The following MBOAT2 variants were observed in gnomAD, a reference collection of about 807,000 sequenced individuals.
MBOAT2 encodes the protein membrane-bound glycerophospholipid O-acyltransferase 2.
Under a neutral mutation model 63.4 loss-of-function variants are expected in MBOAT2, and 28 were observed. The ratio of observed to expected loss-of-function variants is 0.44; its 90% CI spans 0.33 to 0.61. The LOEUF is 0.61. Among genes scored for constraint, MBOAT2 ranks in the 20% least tolerant of loss-of-function variants. The probability of loss-of-function intolerance (pLI) is 0.03; values close to 1 mark genes in which losing one functional copy is unlikely to be tolerated. For synonymous variants in MBOAT2, 211 were observed against 215.6 expected, an observed-to-expected ratio of 0.98 and a Z score of 0.19; for missense variants, 470 against 605.8, an observed-to-expected ratio of 0.78 and a Z score of 2.35.
chr2:8,881,102 C>T (rs1002532567), intron 6 of MBOAT2, among the ~76,000 whole-genome samples: 5 of 152,074 alleles, frequency 3.3e-5, no homozygotes, highest in African/African-American at 7.2e-5. Flanking sequence ...GAGTAACTGA[C>T]GCAGCTAAAT....
In MBOAT2 at chr2:8,862,367, G is replaced by T; in HGVS notation, c.1185+223C>A. 1 of 1,443,860 alleles carries T rather than the reference G, an allele frequency of 6.9e-7. No individual in the cohort carries two copies. The highest frequency in any genetic ancestry group is 9.2e-7 in the Non-Finnish European group (1 of 1,084,668). The allele number at this position is 1,443,860 out of a possible 1,614,324, so 89.4% of individuals were successfully genotyped here. ...TTTTGTGAGTGCCTCCTACCTGCCG[G>T]GCACATAGAAACGTGTTTTCTCCTC... On this transcript the variant is annotated intron_variant, in intron 11 of 12. Transcript: ENST00000305997. The surrounding 1 kb of genome is among the most constrained non-coding windows in gnomAD (Gnocchi z 4.3).
At chr2:8,944,076 G>A (rs1447221252) in intron 2 of MBOAT2, among the ~76,000 whole-genome samples, 3 of 152,046 alleles carry the variant, frequency 2.0e-5, no homozygotes, top group Non-Finnish European at 4.4e-5. Flanking sequence ...TGTTGGCCAG[G>A]CTGGTCTTGA....
chr2:8,983,393 A>C (rs73157453), intron 1 of MBOAT2, among the ~76,000 whole-genome samples: 4,017 of 152,280 alleles, frequency 0.026, 145 homozygotes, highest in African/African-American at 0.084. Flanking sequence ...ACTGTTAACG[A>C]AACACTTTGG....
chr2:8,924,866 T>C (rs1442055296), intron 3 of MBOAT2, among the ~76,000 whole-genome samples: 1 of 152,206 alleles, frequency 6.6e-6, no homozygotes, highest in Non-Finnish European at 1.5e-5. Flanking sequence ...GATTATTTTA[T>C]CTTTCAAAAT....
chr2:8,932,781 T>C (rs1442747445), intron 3 of MBOAT2, among the ~76,000 whole-genome samples: 3 of 149,372 alleles, frequency 2.0e-5, no homozygotes, highest in African/African-American at 7.3e-5. Context: ...CTCAGCAAAG[T>C]GGCACATAGA....
chr2:8,963,380 T>C (rs1282331971), intron 1 of MBOAT2, among the ~76,000 whole-genome samples: 1 of 152,204 alleles, frequency 6.6e-6, no homozygotes, highest in Non-Finnish European at 1.5e-5. Flanking sequence ...CTCAGCTCAC[T>C]GTAACCTCTG....
At chr2:8,985,084 G>A (rs1427969422) in intron 1 of MBOAT2, among the ~76,000 whole-genome samples, 2 of 148,310 alleles carry the variant, frequency 1.3e-5, no homozygotes, top group Admixed American at 6.7e-5. Context: ...TTCCTCAGGG[G>A]AAAAAAAAAA....
At chr2:8,951,281 T>C (rs1233036700) in intron 2 of MBOAT2, among the ~76,000 whole-genome samples, 1 of 151,782 alleles carries the variant, frequency 6.6e-6, no homozygotes, top group East Asian at 1.9e-4. Flanking sequence ...CTGGGCTCAC[T>C]GCAATCTCTG....
rs191399808 is a variant in MBOAT2, at chr2:9,000,413, T to G, written c.75+3127A>C. Among the ~76,000 whole-genome samples the G allele has an allele frequency of 1.4e-3, 207 of 152,362 alleles. No homozygotes were observed. The Middle Eastern group carries it at 0.014, about 10-fold the overall frequency. On this transcript the variant is annotated intron_variant, in intron 1 of 12. Transcript: ENST00000305997. ...ATCCAATTTTACAAAATTGAGTTTT[T>G]AGTTATTCCAACAGCTTCATCAACA...
At chr2:8,977,861 C>T (rs1436066429) in intron 1 of MBOAT2, among the ~76,000 whole-genome samples, 3 of 152,138 alleles carry the variant, frequency 2.0e-5, no homozygotes, top group Non-Finnish European at 4.4e-5. Flanking sequence ...CAATCAACCT[C>T]TGACTGCTCA....
At chr2:8,869,228 G>A (rs1033738567) in intron 8 of MBOAT2, among the ~76,000 whole-genome samples, 1 of 50,334 alleles carries the variant, frequency 2.0e-5, no homozygotes, top group South Asian at 5.3e-4. Context: ...TTTTTTTTTT[G>A]TAGAGATGGG....
At chr2:8,948,782 G>A (rs962339404) in intron 2 of MBOAT2, among the ~76,000 whole-genome samples, 12 of 152,144 alleles carry the variant, frequency 7.9e-5, no homozygotes, top group African/African-American at 2.7e-4. Context: ...TTGCTATTGT[G>A]AACAGTGCTG....
chr2:8,970,354 G>A (rs1459445525), intron 1 of MBOAT2, among the ~76,000 whole-genome samples: 2 of 152,172 alleles, frequency 1.3e-5, no homozygotes, highest in African/African-American at 4.8e-5. Context: ...CAGAATCTCT[G>A]GGACACATTC....
At position 8,853,764 on chromosome 2, in the gene MBOAT2, T is replaced by C. The variant is rs1445710985; in HGVS notation, c.*4915A>G. 1 of 152,230 alleles carries C rather than the reference T, an allele frequency of 6.6e-6. No homozygotes were observed. Among genetic ancestry groups the C allele is most frequent in the Non-Finnish European group, 1.5e-5 (1 of 68,032 alleles). The allele number at this position is 152,230 out of a possible 1,614,324, so 9.4% of individuals were successfully genotyped here. On this transcript the variant is annotated 3_prime_UTR_variant, in exon 13 of 13. Transcript: ENST00000305997. ...AACATACAGTCTTAGTGTTGTATTT[T>C]TTCTTTATAAAAGTTGTACTTAAAG...
chr2:8,926,842 C>T (rs181394969), intron 3 of MBOAT2, among the ~76,000 whole-genome samples: 5 of 152,232 alleles, frequency 3.3e-5, no homozygotes, highest in African/African-American at 1.2e-4. Flanking sequence ...GAGCTGAAGA[C>T]CAACAGTGGA....
rs1306104649 is a variant in MBOAT2, at chr2:8,857,435, TA to T, written c.*1243del. 6.6e-6 allele frequency: 1 copy of T among 152,274 alleles called. No individual in the cohort carries two copies. Among genetic ancestry groups the T allele is most frequent in the Admixed American group, 6.5e-5 (1 of 15,282 alleles). The allele number at this position is 152,274 out of a possible 1,614,324, so 9.4% of individuals were successfully genotyped here. A position where few individuals can be genotyped will look rare whatever the true frequency, so the allele number is the denominator to read the frequency against. ...GATTAGTTGTGGTAAAAATGGCCCA[TA>T]AAATAAAAGCACATTTTTCCACTTA... On this transcript the variant is annotated 3_prime_UTR_variant, in exon 13 of 13. Transcript: ENST00000305997.
intron 4 of MBOAT2, among the ~76,000 whole-genome samples, chr2:8,895,593 C>T (rs1387082550): frequency 6.6e-6 from 1 of 152,186 alleles, no homozygotes; most frequent in Non-Finnish European, 1.5e-5. Context: ...TGCTCCAAGT[C>T]CCCACCCAAC....
chr2:8,891,008 A>G (rs1663952727), intron 4 of MBOAT2, among the ~76,000 whole-genome samples: 1 of 152,240 alleles, frequency 6.6e-6, no homozygotes, highest in Admixed American at 6.5e-5. Context: ...GCTACTCAAC[A>G]GTTAGGAACA....
At chr2:8,880,437 C>T (rs1018414219) in intron 6 of MBOAT2, among the ~76,000 whole-genome samples, 1 of 152,168 alleles carries the variant, frequency 6.6e-6, no homozygotes, top group Non-Finnish European at 1.5e-5. Context: ...AGGAGGGAGA[C>T]AAATCAGAAG....
Sources: allele counts gnomAD v4.1 joint callset (sites outside exome capture counted in the v4.1 genomes callset), GRCh38; gene constraint gnomAD v4.1.1; non-coding constraint Gnocchi (gnomAD v3.1); transcripts MANE v1.5; gene names NCBI Gene and HGNC (gene_info 2026-07-23, HGNC 2026-07-21).